PACRGL: variants seen among roughly 807,000 people sequenced by gnomAD.
PACRGL encodes parkin coregulated like, also known as PACRG-like protein.
A neutral mutation model predicts 34.5 loss-of-function variants in PACRGL; 38 were observed. That is an observed-to-expected ratio of 1.10 (90% CI 0.85 to 1.44). The LOEUF is 1.44. Among genes scored for constraint, PACRGL ranks in the 40% most tolerant of loss-of-function variants. PACRGL has a pLI of 0.00. For synonymous variants in PACRGL, 128 were observed against 100.1 expected (o/e 1.28, Z -1.66); for missense variants, 305 against 281.4 (o/e 1.08, Z -0.60).
chr4:20,733,715 T>C (rs976910665), downstream of PACRGL, among the ~76,000 whole-genome samples: 4 of 152,170 alleles, frequency 2.6e-5, no homozygotes, highest in Admixed American at 6.5e-5. Flanking sequence ...TATAAAAATA[T>C]ACAAGAAGCA....
intron 7 of PACRGL, among the ~76,000 whole-genome samples, chr4:20,723,056 C>T (rs555719154): frequency 3.3e-5 from 5 of 152,196 alleles, no homozygotes; most frequent in Admixed American, 2.0e-4. Context: ...GAAGTAGGTG[C>T]GATGGTGACT....
chr4:20,713,617 T>C (rs1302884995), intron 7 of PACRGL, 78 bp downstream of exon 7: 1 of 1,238,538 alleles, frequency 8.1e-7, no homozygotes, highest in Non-Finnish European at 1.2e-6. Context: ...TTTAACAATT[T>C]CAAATCTTCA....
the PACRGL span, among the ~76,000 whole-genome samples, chr4:20,762,995 T>C: frequency 6.6e-6 from 1 of 152,112 alleles, no homozygotes; most frequent in African/African-American, 2.4e-5. Context: ...GAGCCCCTTA[T>C]AAAACCATCA....
intron 8 of PACRGL, among the ~76,000 whole-genome samples, chr4:20,742,154 G>C (rs969067288): frequency 2.6e-5 from 4 of 152,128 alleles, no homozygotes; most frequent in South Asian, 2.1e-4. Flanking sequence ...AAGAGGAGCT[G>C]GTACCATTTC....
chr4:20,714,651 C>G (rs1738949885), intron 7 of PACRGL, among the ~76,000 whole-genome samples: 1 of 152,092 alleles, frequency 6.6e-6, no homozygotes, highest in Non-Finnish European at 1.5e-5. Flanking sequence ...TTGTTCCTTT[C>G]CATGTTTAGT....
chr4:20,767,360 T>C, the PACRGL span: 1 of 152,034 alleles, frequency 6.6e-6, no homozygotes, highest in Admixed American at 6.6e-5. Context: ...GAAATAAATG[T>C]CAGTAGAAAC....
chr4:20,700,451 G>T (rs1401334459), upstream of PACRGL: 1 of 152,170 alleles, frequency 6.6e-6, no homozygotes, highest in East Asian at 1.9e-4. Flanking sequence ...GGGCCGCGCG[G>T]AGCCTCATTT....
chr4:20,714,153 C>G (rs1221594314), intron 7 of PACRGL, among the ~76,000 whole-genome samples: 1 of 152,010 alleles, frequency 6.6e-6, no homozygotes, highest in East Asian at 1.9e-4. Context: ...GTAGGTCACT[C>G]AGGACTTGCT....
intron 7 of PACRGL, among the ~76,000 whole-genome samples, chr4:20,718,485 A>G (rs1741270035): frequency 6.6e-6 from 1 of 152,106 alleles, no homozygotes; most frequent in African/African-American, 2.4e-5. Flanking sequence ...AATAGCTCTT[A>G]TTATTTTGAG....
At position 20,709,736 on chromosome 4, in the gene PACRGL, G is replaced by A. The variant is rs755068098; in HGVS notation, c.329G>A (p.Ser110Asn). ...HRLQWECPPESLSFDPLLITL... is the reference protein window; with the variant it reads ...HRLQWECPPENLSFDPLLITL... The stretch of plus-strand genomic sequence containing the variant: ...TTACAGTGGGAATGTCCTCCTGAAA[G>A]TCTTTCATTTGATCCACTTCTTATT... Residue 110 changes from serine (S) to asparagine (N), a missense_variant, in exon 5 of 9, where the codon AGT becomes AAT. Physicochemically the swap from Ser to Asn is conservative, Grantham distance 46. Transcript: ENST00000503585. 1.9e-6 allele frequency: 3 copies of A among 1,609,512 alleles called. No homozygotes were observed. The highest frequency in any genetic ancestry group is 2.6e-6 in the Non-Finnish European group (3 of 1,176,390).
At chr4:20,698,915 C>T (rs561617279), upstream of PACRGL, among the ~76,000 whole-genome samples, 21 of 152,238 alleles carry the variant, frequency 1.4e-4, no homozygotes, top group East Asian at 3.7e-3. Context: ...ATTTAAGTCT[C>T]GCAATAACCC....
intron 8 of PACRGL, among the ~76,000 whole-genome samples, chr4:20,727,027 A>G (rs1286700432): frequency 6.6e-6 from 1 of 152,186 alleles, no homozygotes; most frequent in Non-Finnish European, 1.5e-5. Flanking sequence ...TTTGACGAAT[A>G]AGTGACTAGT....
chr4:20,738,762 A>C (rs1364972224), intron 8 of PACRGL, among the ~76,000 whole-genome samples: 1 of 152,152 alleles, frequency 6.6e-6, no homozygotes, highest in African/African-American at 2.4e-5. Flanking sequence ...GATGCAGCCC[A>C]CAGAGTGTGA....
At chr4:20,751,462 T>C (rs1228172794) in intron 8 of PACRGL, among the ~76,000 whole-genome samples, 1 of 152,192 alleles carries the variant, frequency 6.6e-6, no homozygotes, top group African/African-American at 2.4e-5. Context: ...TACTTTTTCA[T>C]GTACTTCTTG....
intron 8 of PACRGL, among the ~76,000 whole-genome samples, chr4:20,748,908 A>G (rs1418864776): frequency 6.7e-6 from 1 of 149,740 alleles, no homozygotes; most frequent in African/African-American, 2.4e-5. Context: ...ATATATATAT[A>G]TATATATATG....
rs894265609 is a variant in PACRGL at position 20,728,966 on chromosome 4, T to G, written c.*1625T>G. ...TGATGAGCTAAATCATACTGTAATC[T>G]GGATTAGTTGTTGAGCACTTATTTT... On this transcript the variant is annotated 3_prime_UTR_variant, in exon 9 of 9. Transcript: ENST00000503585. 6.6e-6 allele frequency: 1 copy of G among 152,238 alleles called. No homozygotes were observed. The highest frequency in any genetic ancestry group is 1.5e-5 in the Non-Finnish European group (1 of 68,042). The allele number at this position is 152,238 out of a possible 1,614,324, so 9.4% of individuals were successfully genotyped here.
chr4:20,714,985 C>CT (rs1560328406), intron 7 of PACRGL, among the ~76,000 whole-genome samples: 3 of 151,990 alleles, frequency 2.0e-5, no homozygotes, highest in Admixed American at 6.6e-5. Context: ...GTATGTTTAT[C>CT]GTGGCACTAC....
In PACRGL at chr4:20,727,501, AAG is replaced by A; in HGVS notation, c.*162_*163del. 3.6e-6 allele frequency: 2 copies of A among 556,628 alleles called. No homozygotes were observed. Among genetic ancestry groups the A allele is most frequent in the Admixed American group, 6.3e-5 (2 of 31,868 alleles). The allele number at this position is 556,628 out of a possible 1,614,324, so 34.5% of individuals were successfully genotyped here. Reference sequence around the variant, plus strand: ...GAATCAAAGTTATTCATCAACAAAAAAGAACAGTTACTAATGGAAAGTTATTA... The same window carrying A: ...GAATCAAAGTTATTCATCAACAAAAAAACAGTTACTAATGGAAAGTTATTA... On this transcript the variant is annotated 3_prime_UTR_variant, in exon 9 of 9. Coordinates refer to ENST00000503585, the MANE Select transcript of PACRGL (RefSeq NM_001258345.3).
chr4:20,752,219 C>T (rs1041642753), intron 8 of PACRGL, among the ~76,000 whole-genome samples: 4 of 152,070 alleles, frequency 2.6e-5, no homozygotes, highest in African/African-American at 9.6e-5. Context: ...CCACCATGCC[C>T]GGCGAATTTT....
Sources: allele counts gnomAD v4.1 joint callset (sites outside exome capture counted in the v4.1 genomes callset), GRCh38; gene constraint gnomAD v4.1.1; transcripts MANE v1.5; gene names NCBI Gene and HGNC (gene_info 2026-07-23, HGNC 2026-07-21).